The following SHROOM3 variants were observed in gnomAD, a reference collection of about 807,000 sequenced individuals.
SHROOM3 encodes the protein protein Shroom3.
In SHROOM3, 47 loss-of-function variants were observed where a neutral mutation model predicts 138.6. That is an observed-to-expected ratio of 0.34 (90% confidence interval 0.27 to 0.43). The LOEUF (loss-of-function observed/expected upper bound fraction) is 0.43. Ranked by LOEUF, SHROOM3 falls within the 20% of genes least tolerant of loss-of-function variation. The pLI is 1.00. For missense variants in SHROOM3, 2,491 were observed against 2,596.5 expected (o/e 0.96, Z 0.88); for synonymous variants, 1,062 against 1,063.3 (o/e 1.00, Z 0.02).
At chr4:76,692,251 T>G (rs1270154244) in intron 2 of SHROOM3, among the ~76,000 whole-genome samples, 1 of 152,332 alleles carries the variant, frequency 6.6e-6, no homozygotes, top group South Asian at 2.1e-4. Flanking sequence ...ACTAGTTTTC[T>G]TATGCTGTTG....
chr4:76,775,413 G>A (rs1722520337), intron 10 of SHROOM3, among the ~76,000 whole-genome samples: 1 of 151,928 alleles, frequency 6.6e-6, no homozygotes, highest in Admixed American at 6.6e-5. Context: ...TGGCATGGAT[G>A]TGGTGAAAAG....
At chr4:76,614,917 T>G (rs1423500293) in intron 2 of SHROOM3, among the ~76,000 whole-genome samples, 2 of 152,212 alleles carry the variant, frequency 1.3e-5, no homozygotes, top group Admixed American at 6.5e-5. Flanking sequence ...GGACTATGAA[T>G]GAGTCCAGAT....
chr4:76,484,051 G>A (rs1320384413), intron 1 of SHROOM3, among the ~76,000 whole-genome samples: 1 of 152,068 alleles, frequency 6.6e-6, no homozygotes, highest in Non-Finnish European at 1.5e-5. Context: ...AGATTGACGG[G>A]TTGATGGGTG....
chr4:76,762,585 C>T (rs1479766027), intron 9 of SHROOM3, among the ~76,000 whole-genome samples: 2 of 152,204 alleles, frequency 1.3e-5, no homozygotes, highest in Middle Eastern at 3.2e-3. Flanking sequence ...GAATTTCCTT[C>T]GGTTCCTTCT....
At chr4:76,580,912 T>A (rs1475834006) in intron 2 of SHROOM3, among the ~76,000 whole-genome samples, 1 of 152,228 alleles carries the variant, frequency 6.6e-6, no homozygotes, top group African/African-American at 2.4e-5. Context: ...AACTGATATG[T>A]GCTTCTACCT....
At chr4:76,555,792 C>T in intron 2 of SHROOM3, 29 bp downstream of exon 2, 1 of 1,606,004 alleles carries the variant, frequency 6.2e-7, no homozygotes, top group Non-Finnish European at 8.5e-7. Context: ...CCCTGTCCCT[C>T]CTACCACCTC....
chr4:76,451,885 C>G (rs1730933974), intron 1 of SHROOM3, among the ~76,000 whole-genome samples: 1 of 152,084 alleles, frequency 6.6e-6, no homozygotes, highest in Non-Finnish European at 1.5e-5. Flanking sequence ...GGCTAGAGTA[C>G]AGAGGTTATT....
chr4:76,603,284 C>T (rs555572970), intron 2 of SHROOM3, among the ~76,000 whole-genome samples: 5 of 151,838 alleles, frequency 3.3e-5, no homozygotes, highest in Non-Finnish European at 5.9e-5. Context: ...TGGGTGTGGT[C>T]GCACGCACCT....
At chr4:76,757,389 T>C (rs1349703905) in intron 8 of SHROOM3, among the ~76,000 whole-genome samples, 1 of 152,116 alleles carries the variant, frequency 6.6e-6, no homozygotes, top group Non-Finnish European at 1.5e-5. Flanking sequence ...TCTCCAGCAA[T>C]TACACAGTGC....
chr4:76,700,740 C>T (rs983254764), intron 2 of SHROOM3, among the ~76,000 whole-genome samples: 14 of 150,070 alleles, frequency 9.3e-5, no homozygotes, highest in African/African-American at 3.4e-4. Flanking sequence ...CTCTGGGTTT[C>T]AGCATGAAAT....
At position 76,511,197 on chromosome 4, in the gene SHROOM3, T is replaced by A. The variant is rs1335623369; in HGVS notation, c.169-44412T>A. ...AACTCCATCTCAAAAATAATAATAATAATAATAATAATGCCACAGCAATTG... is the reference window on the plus strand; with the variant it reads ...AACTCCATCTCAAAAATAATAATAAAAATAATAATAATGCCACAGCAATTG... On this transcript the variant is annotated intron_variant, in intron 1 of 10. Transcript: ENST00000296043. Among the ~76,000 whole-genome samples, 38 of 140,454 alleles carry A rather than the reference T, an allele frequency of 2.7e-4. No homozygotes were observed. In the South Asian group the frequency reaches 3.0e-3, roughly 11 times the overall value. The allele number at this position is 140,454 out of a possible 152,430, so 92.1% of individuals were successfully genotyped here. A position where few individuals can be genotyped will look rare whatever the true frequency, so the allele number is the denominator to read the frequency against.
chr4:76,541,138 A>G (rs1231159511), intron 1 of SHROOM3, among the ~76,000 whole-genome samples: 1 of 152,162 alleles, frequency 6.6e-6, no homozygotes, highest in Non-Finnish European at 1.5e-5. Flanking sequence ...TGTACGTTAT[A>G]ATAGATGTTC....
At chr4:76,597,892 C>T (rs1734422591) in intron 2 of SHROOM3, among the ~76,000 whole-genome samples, 1 of 152,112 alleles carries the variant, frequency 6.6e-6, no homozygotes, top group South Asian at 2.1e-4. Context: ...ATTTGTTTGG[C>T]ATTTAGCAAT....
chr4:76,596,624 A>ACACACACACT (rs1491306498), intron 2 of SHROOM3, among the ~76,000 whole-genome samples: 11 of 141,488 alleles, frequency 7.8e-5, no homozygotes, highest in African/African-American at 2.9e-4. Context: ...ACACACACAC[A>ACACACACACT]CTCTCCAACA....
At chr4:76,442,256 T>G (rs1730706954) in intron 1 of SHROOM3, among the ~76,000 whole-genome samples, 3 of 152,200 alleles carry the variant, frequency 2.0e-5, no homozygotes, top group African/African-American at 7.2e-5. Flanking sequence ...GTAATAACTT[T>G]CTTCGTACAC....
At chr4:76,536,344 T>C (rs760175515) in intron 1 of SHROOM3, among the ~76,000 whole-genome samples, 4 of 152,194 alleles carry the variant, frequency 2.6e-5, no homozygotes, top group Non-Finnish European at 4.4e-5. Flanking sequence ...CAGCTGAGCA[T>C]ATAGAGGTTT....
chr4:76,619,921 G>C (rs1213065963), intron 2 of SHROOM3, among the ~76,000 whole-genome samples: 2 of 152,082 alleles, frequency 1.3e-5, no homozygotes, highest in Admixed American at 1.3e-4. Context: ...AATTACCCAG[G>C]AGTGGTGGCA....
intron 1 of SHROOM3, among the ~76,000 whole-genome samples, chr4:76,521,929 G>A (rs147551135): frequency 7.9e-5 from 12 of 152,254 alleles, no homozygotes; most frequent in African/African-American, 2.9e-4. Context: ...TGATGCACTG[G>A]CAAGGACATG....
chr4:76,773,427 A>C (rs190890673), intron 10 of SHROOM3, among the ~76,000 whole-genome samples: 21 of 151,910 alleles, frequency 1.4e-4, no homozygotes, highest in African/African-American at 5.1e-4. Context: ...CAGAAAGTAC[A>C]TGGCCCCATC....
Sources: gnomAD v4.1 joint callset for allele counts (sites outside exome capture counted in the v4.1 genomes callset) on GRCh38, gnomAD v4.1.1 for gene constraint, MANE v1.5 for transcripts, NCBI Gene and HGNC (gene_info 2026-07-23, HGNC 2026-07-21) for gene names.